The following PKD2L1 variants were observed in gnomAD, a reference collection of about 807,000 sequenced individuals.
The protein encoded by PKD2L1 is polycystin-2-like protein 1.
In PKD2L1, 77 loss-of-function variants were observed where a neutral mutation model predicts 93.0. The ratio of observed to expected loss-of-function variants is 0.83; its 90% CI spans 0.69 to 1.00. The LOEUF (loss-of-function observed/expected upper bound fraction) is 1.00. PKD2L1 is among the 50% of genes least tolerant of loss of function. PKD2L1 has a pLI of 0.00. For synonymous variants in PKD2L1, 390 were observed against 388.0 expected (o/e 1.01, Z -0.06); for missense variants, 977 against 990.9 (o/e 0.99, Z 0.19).
intron 2 of PKD2L1, among the ~76,000 whole-genome samples, chr10:100,303,168 T>G (rs562288791): frequency 6.6e-6 from 1 of 151,520 alleles, no homozygotes; most frequent in Non-Finnish European, 1.5e-5. Context: ...AAATTTTCTT[T>G]AAGTCCATAA....
intron 2 of PKD2L1, among the ~76,000 whole-genome samples, chr10:100,318,881 C>G (rs561073515): frequency 1.4e-5 from 2 of 143,618 alleles, no homozygotes; most frequent in East Asian, 4.2e-4. Context: ...GAATCTCACT[C>G]TGTCGCCCAG....
Position 100,330,163 on chromosome 10 carries a change from G to A in PKD2L1, c.-60C>T, listed in dbSNP as rs74154633. The A allele has an allele frequency of 2.1e-3, 2,312 of 1,096,290 alleles. 27 individuals are homozygous for A. The African/African-American group carries it at 0.032, about 15-fold the overall frequency. The allele number at this position is 1,096,290 out of a possible 1,614,324, so 67.9% of individuals were successfully genotyped here. A position where few individuals can be genotyped will look rare whatever the true frequency, so the allele number is the denominator to read the frequency against. ...GCCCACTCTCAGCTAGAGGAAGAGGGAGCAGAGGCACAGCCCAGCCTAGCC... is the reference window on the plus strand; with the variant it reads ...GCCCACTCTCAGCTAGAGGAAGAGGAAGCAGAGGCACAGCCCAGCCTAGCC... On this transcript the variant is annotated 5_prime_UTR_variant, in exon 1 of 16. Transcript: ENST00000318222.
At chr10:100,298,209 G>T (rs985039990) in intron 4 of PKD2L1, among the ~76,000 whole-genome samples, 1 of 152,108 alleles carries the variant, frequency 6.6e-6, no homozygotes, top group Non-Finnish European at 1.5e-5. Flanking sequence ...CAATCTCAAG[G>T]GTTGGGTTCT....
chr10:100,323,888 C>T (rs1458269179), intron 2 of PKD2L1, among the ~76,000 whole-genome samples: 2 of 152,110 alleles, frequency 1.3e-5, no homozygotes, highest in Admixed American at 6.5e-5. Context: ...AGGGCAGTGG[C>T]ATGATCTCAG....
chr10:100,327,694 C>G (rs760202710), intron 2 of PKD2L1, among the ~76,000 whole-genome samples: 2 of 152,190 alleles, frequency 1.3e-5, no homozygotes, highest in Non-Finnish European at 2.9e-5. Flanking sequence ...ATAATCGATA[C>G]GTCAACAAAT....
At chr10:100,313,932 T>C (rs1050107037) in intron 2 of PKD2L1, among the ~76,000 whole-genome samples, 1 of 152,220 alleles carries the variant, frequency 6.6e-6, no homozygotes, top group African/African-American at 2.4e-5. Flanking sequence ...AATGGTTCCA[T>C]ATAAAGGGAA....
At chr10:100,324,108 A>G (rs1042191441) in intron 2 of PKD2L1, among the ~76,000 whole-genome samples, 1 of 152,234 alleles carries the variant, frequency 6.6e-6, no homozygotes, top group African/African-American at 2.4e-5. Flanking sequence ...GATTACAGGC[A>G]TGAGCCACCG....
At chr10:100,328,712 G>C (rs987348072) in intron 2 of PKD2L1, among the ~76,000 whole-genome samples, 1 of 151,894 alleles carries the variant, frequency 6.6e-6, no homozygotes, top group Non-Finnish European at 1.5e-5. Flanking sequence ...TCCTGCCTCA[G>C]CCTCCTGAGT....
intron 2 of PKD2L1, among the ~76,000 whole-genome samples, chr10:100,324,082 T>C (rs1330861056): frequency 6.6e-6 from 1 of 152,150 alleles, no homozygotes; most frequent in Non-Finnish European, 1.5e-5. Flanking sequence ...TCCAGTTCAG[T>C]CTCCCAAAGT....
intron 2 of PKD2L1, among the ~76,000 whole-genome samples, chr10:100,309,352 T>G (rs1290216338): frequency 6.6e-6 from 1 of 150,434 alleles, no homozygotes; most frequent in Non-Finnish European, 1.5e-5. Flanking sequence ...TTCTCATGGA[T>G]ATTCTTATAC....
Position 100,329,221 on chromosome 10 carries a change from G to A in PKD2L1, c.339C>T (p.Asp113=), listed in dbSNP as rs746721343. 2.5e-6 allele frequency: 4 copies of A among 1,613,900 alleles called. No individual in the cohort carries two copies. Among genetic ancestry groups the A allele is most frequent in the Admixed American group, 3.3e-5 (2 of 60,000 alleles). ...ACAGATGCTACTCACGTAGACAGAT[G>A]TCCACCAGGAACACAATATATACCA... ...ELLVYIVFLV[D]ICLLTYGMTS... Residue 113 remains aspartate, a synonymous_variant, in exon 2 of 16, where the codon GAC becomes GAT. Transcript: ENST00000318222.
At position 100,288,159 on chromosome 10, in the gene PKD2L1, G is replaced by T. The variant is rs1848316537; in HGVS notation, c.*237C>A. ...AATGCAAAGTCCAAGTTTTCCTAAG[G>T]AGTTTTATTGATAGCCACCATGGAA... On this transcript the variant is annotated 3_prime_UTR_variant, in exon 16 of 16. Transcript: ENST00000318222. The T allele has an allele frequency of 2.1e-6, 1 of 465,990 alleles. No homozygotes were observed. Among genetic ancestry groups the T allele is most frequent in the South Asian group, 3.3e-5 (1 of 29,930 alleles). 28.9% of individuals were successfully genotyped at this position (465,990 alleles called of 1,614,324 possible). A position where few individuals can be genotyped will look rare whatever the true frequency, so the allele number is the denominator to read the frequency against.
At chr10:100,299,532 C>T (rs748498095) in intron 3 of PKD2L1, 59 bp downstream of exon 3, 34 of 1,513,620 alleles carry the variant, frequency 2.2e-5, no homozygotes, top group Non-Finnish European at 3.0e-5. Flanking sequence ...CGTTGTCTGA[C>T]CTGTGGCCTC....
At chr10:100,325,345 G>T (rs55825790) in intron 2 of PKD2L1, among the ~76,000 whole-genome samples, 1 of 152,162 alleles carries the variant, frequency 6.6e-6, no homozygotes, top group African/African-American at 2.4e-5. Context: ...AGACATCAGC[G>T]GGGTGAGGCC....
chr10:100,297,138 G>C lies in PKD2L1; in HGVS notation c.1027C>G (p.Arg343Gly), dbSNP rs765174470. 6.2e-7 allele frequency: 1 copy of C among 1,614,130 alleles called. No homozygotes were observed. Among genetic ancestry groups the C allele is most frequent in the Non-Finnish European group, 8.5e-7 (1 of 1,180,010 alleles). Residue 343 changes from arginine (R) to glycine (G), a missense_variant, in exon 6 of 16, where the codon CGC becomes GGC. Physicochemically the swap from Arg to Gly is moderately radical, Grantham distance 125 (BLOSUM62 -2). Coordinates refer to ENST00000318222, the MANE Select transcript of PKD2L1 (RefSeq NM_016112.3). ...AAGAAGTCCCAGTTGCTGACATAGC[G>C]GATCAGCTTGACTGTGCGGATTTGC... Reference protein sequence around the residue: ...SWQIRTVKLIRYVSNWDFFIV... With the variant: ...SWQIRTVKLIGYVSNWDFFIV...
chr10:100,288,908 G>A (rs1349640457), intron 15 of PKD2L1, 64 bp downstream of exon 15: 2 of 1,027,686 alleles, frequency 1.9e-6, no homozygotes, highest in Non-Finnish European at 2.9e-6. Context: ...ATGTGGCGAG[G>A]GGGCCTGTGC....
rs778320569 is a variant in PKD2L1 at position 100,298,830 on chromosome 10, G to A, written c.478-15C>T. 152 of 1,603,132 alleles carry A rather than the reference G, an allele frequency of 9.5e-5. 1 individual carries two copies. Among genetic ancestry groups the A allele is most frequent in the South Asian group, 7.6e-4 (69 of 90,432 alleles). ...CCCTGGGCAAACTGAACCACAAGCTGGCTTGAACCTTACCCAGCCTCCTCC... is the reference window on the plus strand; with the variant it reads ...CCCTGGGCAAACTGAACCACAAGCTAGCTTGAACCTTACCCAGCCTCCTCC... On this transcript the variant is annotated splice_polypyrimidine_tract_variant and intron_variant, in intron 3 of 15. Transcript: ENST00000318222.
intron 2 of PKD2L1, among the ~76,000 whole-genome samples, chr10:100,318,248 C>T (rs1357906314): frequency 6.6e-6 from 1 of 152,154 alleles, no homozygotes; most frequent in African/African-American, 2.4e-5. Context: ...ACCTGTGTAC[C>T]TTATTTCATA....
chr10:100,298,938 GTTATTATTATTA>G, intron 3 of PKD2L1, 123 bp from the exon 4 acceptor site: 1 of 655,636 alleles, frequency 1.5e-6, no homozygotes, highest in Non-Finnish European at 2.3e-6. Context: ...AAAAATTATT[GTTATTATTATTA>G]TTATTATTAT....
Sources: gnomAD v4.1 joint callset for allele counts (sites outside exome capture counted in the v4.1 genomes callset) on GRCh38, gnomAD v4.1.1 for gene constraint, MANE v1.5 for transcripts, NCBI Gene and HGNC (gene_info 2026-07-23, HGNC 2026-07-21) for gene names.